The following CD5 variants were observed in gnomAD, a reference collection of about 807,000 sequenced individuals.
CD5 encodes CD5 molecule.
CD5 carries 36 observed loss-of-function variants against 60.3 expected under a neutral mutation model. The ratio of observed to expected loss-of-function variants is 0.60; its 90% CI spans 0.46 to 0.79. The LOEUF (loss-of-function observed/expected upper bound fraction) is 0.79. Ranked by LOEUF, CD5 falls within the 30% of genes least tolerant of loss-of-function variation. CD5 has a pLI of 0.00. For synonymous variants in CD5, 230 were observed against 257.6 expected, an observed-to-expected ratio of 0.89 and a Z score of 1.03; for missense variants, 540 against 630.6, an observed-to-expected ratio of 0.86 and a Z score of 1.54.
chr11:61,103,061 T>C (rs535001700), intron 1 of CD5, among the ~76,000 whole-genome samples: 1 of 152,206 alleles, frequency 6.6e-6, no homozygotes, highest in Non-Finnish European at 1.5e-5. Flanking sequence ...GATGATGCTC[T>C]GGACAGACAG....
upstream of CD5, among the ~76,000 whole-genome samples, chr11:61,101,737 T>A (rs942015093): frequency 1.5e-5 from 2 of 137,444 alleles, no homozygotes; most frequent in Non-Finnish European, 3.1e-5. Context: ...ATCACACACG[T>A]CAACATGGAG....
chr11:61,125,697 A>G (rs1861138461), intron 9 of CD5, 54 bp from the exon 10 acceptor site: 3 of 1,324,374 alleles, frequency 2.3e-6, no homozygotes, highest in Non-Finnish European at 2.1e-6. Context: ...CTAGGATCCA[A>G]GGGGCTCTGT....
chr11:61,107,772 G>T (rs1860797274), intron 1 of CD5, among the ~76,000 whole-genome samples: 1 of 152,174 alleles, frequency 6.6e-6, no homozygotes. Flanking sequence ...TGTCCAGAGG[G>T]ACCCTAATAC....
At chr11:61,115,000 G>C in intron 1 of CD5, 56 bp from the exon 2 acceptor site, 1 of 1,522,522 alleles carries the variant, frequency 6.6e-7, no homozygotes, top group Non-Finnish European at 8.9e-7. Context: ...GTGAGCTGGG[G>C]AGAAGGGAGA....
At position 61,121,856 on chromosome 11, in the gene CD5, C is replaced by T. The variant is rs370863601; in HGVS notation, c.1051C>T (p.His351Tyr). 3 of 1,570,660 alleles carry T rather than the reference C, an allele frequency of 1.9e-6. No individual in the cohort carries two copies. The highest frequency in any genetic ancestry group is 2.7e-5 in the African/African-American group (2 of 73,832). ...TCCCCATCAGAAGCTGTCCCAGTGCCACGAACTTTGGGAGAGAAATTCCTA... is the reference window on the plus strand; with the variant it reads ...TCCCCATCAGAAGCTGTCCCAGTGCTACGAACTTTGGGAGAGAAATTCCTA... Reference protein sequence around the residue: ...FCPHQKLSQCHELWERNSYCK... With the variant: ...FCPHQKLSQCYELWERNSYCK... Residue 351 changes from histidine to tyrosine, a missense_variant, in exon 6 of 11, where the codon CAC becomes TAC. Transcript: ENST00000347785.
At chr11:61,111,313 A>C (rs1590768597) in intron 1 of CD5, among the ~76,000 whole-genome samples, 1 of 150,912 alleles carries the variant, frequency 6.6e-6, no homozygotes, top group African/African-American at 2.4e-5. Context: ...ACATGGTTCG[A>C]CTCCACCTGC....
intron 8 of CD5, among the ~76,000 whole-genome samples, chr11:61,124,144 G>C (rs561601385): frequency 3.3e-5 from 5 of 152,076 alleles, no homozygotes; most frequent in African/African-American, 1.2e-4. Flanking sequence ...ATGGCTGAGC[G>C]GTTTCTACCG....
intron 6 of CD5, among the ~76,000 whole-genome samples, chr11:61,122,356 G>C (rs996340133): frequency 1.5e-5 from 2 of 136,066 alleles, no homozygotes; most frequent in African/African-American, 2.8e-5. Context: ...GGATGGATCG[G>C]TGGGTGGGTG....
chr11:61,123,900 G>T lies in CD5; in HGVS notation c.1242G>T (p.Gln414His), dbSNP rs1040187093. ...CTTGCCCAGTCCGCCAGAAGAAGCA[G>T]CGCCAGTGGATTGGCCCAACGGGAA... ...KLVKKFRQKK[Q>H]RQWIGPTGMN... The change falls in exon 8 of 11, where the codon CAG becomes CAT. Residue 414 changes from glutamine (Q) to histidine (H), a missense_variant. Physicochemically the swap from Gln to His is conservative, Grantham distance 24. Coordinates refer to ENST00000347785, the MANE Select transcript of CD5 (RefSeq NM_014207.4). The T allele has an allele frequency of 6.4e-7, 1 of 1,571,160 alleles. No homozygotes were observed. The highest frequency in any genetic ancestry group is 1.4e-5 in the African/African-American group (1 of 72,728).
chr11:61,122,099 T>C (rs1408415865), intron 6 of CD5, among the ~76,000 whole-genome samples, 195 bp downstream of exon 6: 1 of 152,126 alleles, frequency 6.6e-6, no homozygotes, highest in Non-Finnish European at 1.5e-5. Context: ...TGAACAATAA[T>C]AGGAGACAGG....
At chr11:61,103,407 T>C (rs1163481514) in intron 1 of CD5, among the ~76,000 whole-genome samples, 4 of 152,154 alleles carry the variant, frequency 2.6e-5, no homozygotes, top group Non-Finnish European at 4.4e-5. Flanking sequence ...TGCGTGACTC[T>C]GGGCTGGAAA....
intron 7 of CD5, 127 bp from the exon 8 acceptor site, chr11:61,123,757 A>C (rs1490428618): frequency 6.9e-6 from 5 of 726,838 alleles, no homozygotes; most frequent in African/African-American, 1.7e-5. Context: ...AGAGCCCAGC[A>C]GCCCTGCCCT....
upstream of CD5, among the ~76,000 whole-genome samples, chr11:61,099,609 C>A (rs1350999021): frequency 6.6e-6 from 1 of 150,780 alleles, no homozygotes; most frequent in Non-Finnish European, 1.5e-5. Flanking sequence ...ATCACATTCA[C>A]ACACATCAAC....
intron 1 of CD5, among the ~76,000 whole-genome samples, chr11:61,109,198 A>G (rs1162416173): frequency 1.3e-5 from 2 of 152,250 alleles, no homozygotes; most frequent in Non-Finnish European, 2.9e-5. Flanking sequence ...CCCAAAAAAC[A>G]TTTGTAAGTT....
Position 61,119,350 on chromosome 11 carries a change from C to G in CD5, c.580C>G (p.Gln194Glu). ...CAGCTATGAGGCCCAGGACAAGACC[C>G]AGGACCTGGAGAACTTCCTCTGCAA... ...TISYEAQDKT[Q>E]DLENFLCNNL... Residue 194 changes from glutamine to glutamate, a missense_variant, in exon 5 of 11, where the codon CAG (glutamine) becomes GAG (glutamate). Transcript: ENST00000347785. The G allele has an allele frequency of 6.2e-7, 1 of 1,614,134 alleles. No individual in the cohort carries two copies. Among genetic ancestry groups the G allele is most frequent in the Non-Finnish European group, 8.5e-7 (1 of 1,180,030 alleles).
At chr11:61,095,242 G>A in the CD5 span, among the ~76,000 whole-genome samples, 1 of 152,022 alleles carries the variant, frequency 6.6e-6, no homozygotes, top group Non-Finnish European at 1.5e-5. Flanking sequence ...GACAAAAGAG[G>A]AAGTGAAGCC....
chr11:61,119,199 A>C, intron 4 of CD5, 35 bp from the exon 5 acceptor site: 1 of 1,530,002 alleles, frequency 6.5e-7, no homozygotes, highest in South Asian at 1.3e-5. Flanking sequence ...CTCGGCGCTC[A>C]GGGTGGCTCC....
At chr11:61,099,123 C>T (rs576768383), upstream of CD5, among the ~76,000 whole-genome samples, 26 of 152,366 alleles carry the variant, frequency 1.7e-4, no homozygotes, top group African/African-American at 4.8e-4. Context: ...GACCCTGCCT[C>T]TTCTTCAAGG....
chr11:61,098,519 C>T (rs545581111), upstream of CD5, among the ~76,000 whole-genome samples: 2 of 152,292 alleles, frequency 1.3e-5, no homozygotes, highest in South Asian at 2.1e-4. Flanking sequence ...AGTTAAAGAT[C>T]GACCCCTGAC....
Sources: allele counts gnomAD v4.1 joint callset (sites outside exome capture counted in the v4.1 genomes callset), GRCh38; gene constraint gnomAD v4.1.1; transcripts MANE v1.5; gene names NCBI Gene and HGNC (gene_info 2026-07-23, HGNC 2026-07-21).